ZXDA: variants seen among roughly 807,000 people sequenced by gnomAD.
The protein encoded by ZXDA is zinc finger X-linked duplicated A.
In ZXDA, 5 loss-of-function variants were observed where a neutral mutation model predicts 10.1. The ratio of observed to expected loss-of-function variants is 0.50; its 90% CI spans 0.26 to 1.04. ZXDA has a LOEUF of 1.04. Ranked by LOEUF, ZXDA falls within the 50% of genes least tolerant of loss-of-function variation. ZXDA has a pLI of 0.14. For synonymous variants in ZXDA, 266 were observed against 313.1 expected (o/e 0.85, Z 1.59); for missense variants, 501 against 672.4 (o/e 0.75, Z 2.82).
Position 57,907,863 on chromosome X carries a change from C to A in ZXDA, c.*158G>T. The A allele has an allele frequency of 1.5e-6, 1 of 674,739 alleles. No homozygotes were observed. The highest frequency in any genetic ancestry group is 2.2e-6 in the Non-Finnish European group (1 of 461,022). 55.6% of individuals were successfully genotyped at this position (674,739 alleles called of 1,213,427 possible). A position where few individuals can be genotyped will look rare whatever the true frequency, so the allele number is the denominator to read the frequency against. Reference sequence around the variant, plus strand: ...GGTCACACAACTTGTCAGTTCCAGACTCAAGATCAGAATTTAGATCTCCAA... The same window carrying A: ...GGTCACACAACTTGTCAGTTCCAGAATCAAGATCAGAATTTAGATCTCCAA... On this transcript the variant is annotated 3_prime_UTR_variant, in exon 1 of 1. Coordinates refer to ENST00000358697, the MANE Select transcript of ZXDA (RefSeq NM_007156.5).
At position 57,908,215 on chromosome X, in the gene ZXDA, A is replaced by G; in HGVS notation, c.2206T>C (p.Ser736Pro). ...LTVDTDTLTP[S>P]STLCENSVSE... ...ACACTGTTTTCACAAAGGGTGCTCG[A>G]AGGAGTCAGAGTATCTGTGTCCACT... is the stretch of plus-strand genomic sequence containing the variant. Residue 736 changes from serine to proline, a missense_variant, in exon 1 of 1, where the codon TCG becomes CCG. By Grantham distance (74) the Ser-to-Pro change is moderately conservative (BLOSUM62 -1). This residue lies in a region of ZXDA where 46 missense variants were observed against 54.1 expected (regional missense o/e 0.85). Transcript: ENST00000358697. 7 of 1,211,821 alleles carry G rather than the reference A, an allele frequency of 5.8e-6. No homozygotes were observed. The highest frequency in any genetic ancestry group is 7.8e-6 in the Non-Finnish European group (7 of 895,554).
rs765560732 is a variant in ZXDA at position 57,909,798 on chromosome X, T to TG, written c.622dup (p.Gln208ProfsTer12). The TG allele has an allele frequency of 1.7e-6, 2 of 1,201,740 alleles. No homozygotes were observed. Among genetic ancestry groups the TG allele is most frequent in the Non-Finnish European group, 2.2e-6 (2 of 891,506 alleles). ...GTGCGCGGCTTGCGGGAACCCAGCT[T>TG]GGGGGGCGATCAGACACCTGGGCTG... On this transcript the variant is annotated frameshift_variant, in exon 1 of 1. Transcript: ENST00000358697. LOFTEE classifies it high-confidence loss of function.
rs767523196 is a variant in ZXDA, at chrX:57,909,265, C to G, written c.1156G>C (p.Glu386Gln). ...GAHQRSHFEP[E>Q]RPYQCAFSGC... ...GAAAACGCGCACTGGTAAGGCCTCT[C>G]GGGTTCGAAGTGGCTGCGCTGGTGG... Residue 386 changes from glutamate to glutamine, a missense_variant, in exon 1 of 1, where the codon GAG becomes CAG. Around this residue, in one of 5 missense-constraint regions of ZXDA, gnomAD observed 171 missense variants for 262.7 expected, o/e 0.65. Transcript: ENST00000358697. The G allele has an allele frequency of 1.3e-5, 16 of 1,212,068 alleles. No individual in the cohort carries two copies. The South Asian group carries it at 2.8e-4, about 21-fold the overall frequency.
At position 57,910,204 on chromosome X, in the gene ZXDA, G is replaced by C. The variant is rs1056906231; in HGVS notation, c.217C>G (p.Leu73Val). The change falls in exon 1 of 1, where the codon CTG becomes GTG. Residue 73 changes from leucine (L) to valine (V), a missense_variant. Transcript: ENST00000358697. ...STASRGPGPSLFAPRPHQPSG... is the reference protein window; with the variant it reads ...STASRGPGPSVFAPRPHQPSG... The stretch of plus-strand genomic sequence containing the variant: ...GGTTGATGGGGCCTCGGCGCGAACA[G>C]GCTTGGGCCAGGGCCCCGTGATGCC... 1.0e-5 allele frequency: 12 copies of C among 1,196,139 alleles called. No homozygotes were observed. The highest frequency in any genetic ancestry group is 1.2e-5 in the Non-Finnish European group (11 of 891,447).
At position 57,909,375 on chromosome X, in the gene ZXDA, G is replaced by T. The variant is rs1433479163; in HGVS notation, c.1046C>A (p.Ala349Glu). The change falls in exon 1 of 1, where the codon GCG (alanine) becomes GAG (glutamate). Residue 349 changes from alanine to glutamate, a missense_variant. Physicochemically the swap from Ala to Glu is moderately radical, Grantham distance 107. Around this residue, in one of 5 missense-constraint regions of ZXDA, gnomAD observed 171 missense variants for 262.7 expected, o/e 0.65. Coordinates refer to ENST00000358697, the MANE Select transcript of ZXDA (RefSeq NM_007156.5). ...KSFTTVYNLK[A>E]HMKGHEQENS... ...CTCCTGCTCATGGCCCTTCATGTGCGCCTTGAGGTTGTACACGGTGGTGAA... is the reference window on the plus strand; with the variant it reads ...CTCCTGCTCATGGCCCTTCATGTGCTCCTTGAGGTTGTACACGGTGGTGAA... The T allele has an allele frequency of 8.3e-7, 1 of 1,211,853 alleles. No individual in the cohort carries two copies. Among genetic ancestry groups the T allele is most frequent in the Admixed American group, 2.2e-5 (1 of 46,096 alleles).
chrX:57,909,658 G>A lies in ZXDA; in HGVS notation c.763C>T (p.Arg255Cys), dbSNP rs758033672. 1 of 1,185,480 alleles carries A rather than the reference G, an allele frequency of 8.4e-7. No homozygotes were observed. Among genetic ancestry groups the A allele is most frequent in the Admixed American group, 2.4e-5 (1 of 42,108 alleles). ...AEGLAAALGPRGLLGSGPGVV... is the reference protein window; with the variant it reads ...AEGLAAALGPCGLLGSGPGVV... ...CCTGGACCAGAGCCCAGCAGTCCGC[G>A]GGGGCCCAGGGCGGCGGCCAGGCCC... Residue 255 changes from arginine to cysteine, a missense_variant, in exon 1 of 1, where the codon CGC becomes TGC. Physicochemically the swap from Arg to Cys is radical, Grantham distance 180 (BLOSUM62 -3). Around this residue, in one of 5 missense-constraint regions of ZXDA, gnomAD observed 251 missense variants for 221.6 expected, o/e 1.13. Coordinates refer to ENST00000358697, the MANE Select transcript of ZXDA (RefSeq NM_007156.5).
rs1047913954 is a variant in ZXDA, at chrX:57,906,431, G to C, written c.*1590C>G. Among the ~76,000 whole-genome samples the C allele has an allele frequency of 9.0e-6, 1 of 111,510 alleles. No homozygotes were observed. The highest frequency in any genetic ancestry group is 3.3e-5 in the African/African-American group (1 of 30,618). On this transcript the variant is annotated 3_prime_UTR_variant, in exon 1 of 1. Coordinates refer to ENST00000358697, the MANE Select transcript of ZXDA (RefSeq NM_007156.5). ...GTGACTGAAAAATGGGCCATAAGAA[G>C]AATGGCTGAGAGATGGTGACCATGA...
Position 57,910,107 on chromosome X carries a change from G to T in ZXDA, c.314C>A (p.Ser105Tyr), listed in dbSNP as rs766099850. Reference protein sequence around the residue: ...PVGGDVETAGSGQAAGPVLRE... With the variant: ...PVGGDVETAGYGQAAGPVLRE... ...CAACACAGGCCCTGCGGCCTGACCGGAGCCCGCGGTCTCCACGTCGCCACC... is the reference window on the plus strand; with the variant it reads ...CAACACAGGCCCTGCGGCCTGACCGTAGCCCGCGGTCTCCACGTCGCCACC... Residue 105 changes from serine (S) to tyrosine (Y), a missense_variant, in exon 1 of 1, where the codon TCC becomes TAC. Transcript: ENST00000358697. 7 of 1,199,235 alleles carry T rather than the reference G, an allele frequency of 5.8e-6. No homozygotes were observed. The highest frequency in any genetic ancestry group is 7.8e-6 in the Non-Finnish European group (7 of 893,084).
rs1410323342 is a variant in ZXDA at position 57,906,171 on chromosome X, C to CA, written c.*1849dup. On this transcript the variant is annotated 3_prime_UTR_variant, in exon 1 of 1. Transcript: ENST00000358697. ...ATATTAAAGTGCACTGTTAAAGTGC[C>CA]ATAATAATTGTTATCCCCAAGTATC... 8.9e-6 allele frequency among the ~76,000 whole-genome samples: 1 copy of CA among 111,754 alleles called. No homozygotes were observed. The highest frequency in any genetic ancestry group is 1.9e-5 in the Non-Finnish European group (1 of 53,090).
Position 57,910,252 on chromosome X carries a change from G to T in ZXDA, c.169C>A (p.Arg57=). 9.0e-7 allele frequency: 1 copy of T among 1,116,537 alleles called. No homozygotes were observed. The highest frequency in any genetic ancestry group is 1.2e-6 in the Non-Finnish European group (1 of 855,707). 92.0% of individuals were successfully genotyped at this position (1,116,537 alleles called of 1,213,427 possible). A position where few individuals can be genotyped will look rare whatever the true frequency, so the allele number is the denominator to read the frequency against. The change falls in exon 1 of 1, where the codon CGG becomes AGG. Residue 57 remains arginine (R), a synonymous_variant. Transcript: ENST00000358697. ...GCCGTGCTGGCCTCCTCGCGCCGCC[G>T]CCCGGGCCCGCCATCTTGGGGGCCC... ...PRGPQDGGPG[R]RREEASTASR... is the part of the protein sequence containing the mutation.
At position 57,909,661 on chromosome X, in the gene ZXDA, G is replaced by T; in HGVS notation, c.760C>A (p.Pro254Thr). The change falls in exon 1 of 1, where the codon CCC (proline) becomes ACC (threonine). Residue 254 changes from proline to threonine, a missense_variant. Physicochemically the swap from Pro to Thr is conservative, Grantham distance 38 (BLOSUM62 -1). This residue lies in a region of ZXDA where 251 missense variants were observed against 221.6 expected (regional missense o/e 1.13). Transcript: ENST00000358697. ...GGACCAGAGCCCAGCAGTCCGCGGG[G>T]GCCCAGGGCGGCGGCCAGGCCCTCC... ...EAEGLAAALG[P>T]RGLLGSGPGV... 1 of 1,182,180 alleles carries T rather than the reference G, an allele frequency of 8.5e-7. No individual in the cohort carries two copies. The highest frequency in any genetic ancestry group is 1.1e-6 in the Non-Finnish European group (1 of 880,836).
chrX:57,909,997 A>C lies in ZXDA; in HGVS notation c.424T>G (p.Cys142Gly). 6 of 1,045,724 alleles carry C rather than the reference A, an allele frequency of 5.7e-6. No homozygotes were observed. The highest frequency in any genetic ancestry group is 7.6e-6 in the Non-Finnish European group (6 of 793,547). 86.2% of individuals were successfully genotyped at this position (1,045,724 alleles called of 1,213,427 possible). The stretch of plus-strand genomic sequence containing the variant: ...GCCGGAGTGGGAACCGCGGACAGGC[A>C]GTGGGGGCCCTGCGCAGAGCAGCCC... Reference protein sequence around the residue: ...PAGCSAQGPHCLSAVPTPAPI... With the variant: ...PAGCSAQGPHGLSAVPTPAPI... Residue 142 changes from cysteine to glycine, a missense_variant, in exon 1 of 1, where the codon TGC becomes GGC. Transcript: ENST00000358697.
rs1231481061 is a variant in ZXDA, at chrX:57,909,776, C to T, written c.645G>A (p.Ala215=). ...GCAGCTCTGGGCAGTCACCCGGGTG[C>T]GCGGCTTGCGGGAACCCAGCTTGGG... ...IAPQAGFPQA[A]HPGDCPELRS... Residue 215 remains alanine, a synonymous_variant, in exon 1 of 1, where the codon GCG becomes GCA. Coordinates refer to ENST00000358697, the MANE Select transcript of ZXDA (RefSeq NM_007156.5). The T allele has an allele frequency of 5.0e-6, 6 of 1,197,350 alleles. No homozygotes were observed. The highest frequency in any genetic ancestry group is 1.8e-5 in the South Asian group (1 of 54,558).
In ZXDA at chrX:57,910,106, G is replaced by T; in HGVS notation, c.315C>A (p.Ser105=). 2.5e-6 allele frequency: 3 copies of T among 1,198,533 alleles called. No individual in the cohort carries two copies. Among genetic ancestry groups the T allele is most frequent in the Non-Finnish European group, 2.2e-6 (2 of 892,814 alleles). The change falls in exon 1 of 1, where the codon TCC becomes TCA. Residue 105 remains serine, a synonymous_variant. Transcript: ENST00000358697. ...TCAACACAGGCCCTGCGGCCTGACC[G>T]GAGCCCGCGGTCTCCACGTCGCCAC... The part of the protein sequence containing the change: ...PVGGDVETAG[S]GQAAGPVLRE...
rs1418670679 is a variant in ZXDA, at chrX:57,907,817, T to C, written c.*204A>G. On this transcript the variant is annotated 3_prime_UTR_variant, in exon 1 of 1. Coordinates refer to ENST00000358697, the MANE Select transcript of ZXDA (RefSeq NM_007156.5). ...ATAAATAAGGAAATTAAGGCTCAGATAGGTTAAGTGACTTGCTGAGGGTCA... is the reference window on the plus strand; with the variant it reads ...ATAAATAAGGAAATTAAGGCTCAGACAGGTTAAGTGACTTGCTGAGGGTCA... The C allele has an allele frequency of 4.8e-6, 2 of 417,269 alleles. No homozygotes were observed. The highest frequency in any genetic ancestry group is 8.1e-6 in the Non-Finnish European group (2 of 248,092). 34.4% of individuals were successfully genotyped at this position (417,269 alleles called of 1,213,427 possible). A position where few individuals can be genotyped will look rare whatever the true frequency, so the allele number is the denominator to read the frequency against.
chrX:57,906,953 T>C lies in ZXDA; in HGVS notation c.*1068A>G, dbSNP rs920294543. The stretch of plus-strand genomic sequence containing the variant: ...GGGAGAAAAATCTCCCTCTGGTCTA[T>C]GTCCAGATTGTCTTGGAAGAATAGG... On this transcript the variant is annotated 3_prime_UTR_variant, in exon 1 of 1. Transcript: ENST00000358697. 8.9e-6 allele frequency: 1 copy of C among 112,036 alleles called. No homozygotes were observed. Among genetic ancestry groups the C allele is most frequent in the Non-Finnish European group, 1.9e-5 (1 of 53,152 alleles). 9.2% of individuals were successfully genotyped at this position (112,036 alleles called of 1,213,427 possible).
chrX:57,910,332 C>G lies in ZXDA; in HGVS notation c.89G>C (p.Arg30Pro), dbSNP rs761741265. 21 of 1,035,398 alleles carry G rather than the reference C, an allele frequency of 2.0e-5. No individual in the cohort carries two copies. The highest frequency in any genetic ancestry group is 5.5e-5 in the Admixed American group (1 of 18,137). The allele number at this position is 1,035,398 out of a possible 1,213,427, so 85.3% of individuals were successfully genotyped here. The change falls in exon 1 of 1, where the codon CGA becomes CCA. Residue 30 changes from arginine to proline, a missense_variant. This residue lies in a region of ZXDA where 15 missense variants were observed against 41.3 expected (regional missense o/e 0.36). Coordinates refer to ENST00000358697, the MANE Select transcript of ZXDA (RefSeq NM_007156.5). Reference sequence around the variant, plus strand: ...CTGGCCAGCCGGCGAGTCAGGGCCTCGGTGGACTCGGCCGCCACCCGCGGG... The same window carrying G: ...CTGGCCAGCCGGCGAGTCAGGGCCTGGGTGGACTCGGCCGCCACCCGCGGG... ...GIPAGGGRVHRGPDSPAGQVP... is the reference protein window; with the variant it reads ...GIPAGGGRVHPGPDSPAGQVP...
rs1202836114 is a variant in ZXDA, at chrX:57,905,932, T to A, written c.*2089A>T. 1.8e-5 allele frequency among the ~76,000 whole-genome samples: 2 copies of A among 112,035 alleles called. No individual in the cohort carries two copies. The highest frequency in any genetic ancestry group is 3.8e-5 in the Non-Finnish European group (2 of 53,144). On this transcript the variant is annotated 3_prime_UTR_variant, in exon 1 of 1. Coordinates refer to ENST00000358697, the MANE Select transcript of ZXDA (RefSeq NM_007156.5). ...CTCTGCATTTTCTATAGGAAAATAA[T>A]AATAATCTATTTAAGAGGACTTAAC...
chrX:57,910,062 C>T lies in ZXDA; in HGVS notation c.359G>A (p.Gly120Asp). The T allele has an allele frequency of 2.6e-6, 3 of 1,174,984 alleles. No individual in the cohort carries two copies. Among genetic ancestry groups the T allele is most frequent in the Non-Finnish European group, 3.4e-6 (3 of 883,627 alleles). The change falls in exon 1 of 1, where the codon GGC becomes GAC. Residue 120 changes from glycine to aspartate, a missense_variant. Physicochemically the swap from Gly to Asp is moderately conservative, Grantham distance 94. Around this residue, in one of 5 missense-constraint regions of ZXDA, gnomAD observed 251 missense variants for 221.6 expected, o/e 1.13. Coordinates refer to ENST00000358697, the MANE Select transcript of ZXDA (RefSeq NM_007156.5). ...GCTCTCGTCCCCCTGGAGCCCCGGG[C>T]CCGCCTTGGCCTCCTCCCTCAACAC... is the stretch of plus-strand genomic sequence containing the variant. ...GPVLREEAKAGPGLQGDESGA... is the reference protein window; with the variant it reads ...GPVLREEAKADPGLQGDESGA...
Sources: allele counts gnomAD v4.1 joint callset (sites outside exome capture counted in the v4.1 genomes callset), GRCh38; gene constraint gnomAD v4.1.1; regional missense constraint gnomAD v4.1.1; transcripts MANE v1.5; gene names NCBI Gene and HGNC (gene_info 2026-07-23, HGNC 2026-07-21).